Variants in MLLT3 observed in about 807,000 individuals in gnomAD.
MLLT3 encodes the protein protein AF-9.
Under a neutral mutation model 53.2 loss-of-function variants are expected in MLLT3, and 4 were observed. The observed-to-expected ratio is 0.08, with a 90% CI of 0.04 to 0.17. The LOEUF (loss-of-function observed/expected upper bound fraction) is 0.17. MLLT3 is among the 10% of genes least tolerant of loss of function. The pLI is 1.00. For synonymous variants in MLLT3, 283 were observed against 230.6 expected (o/e 1.23, Z -2.06); for missense variants, 569 against 684.0 (o/e 0.83, Z 1.87).
rs373673688 is a variant in MLLT3, at chr9:20,422,579, T to C, written c.421-8154A>G. On this transcript the variant is annotated intron_variant, in intron 4 of 10. Transcript: ENST00000380338. ...GTTAAGCAAGAACCAACACATAACA[T>C]GAAAGAGCAAAAGATGATGCTGACC... Among the ~76,000 whole-genome samples, 26 of 152,116 alleles carry C rather than the reference T, an allele frequency of 1.7e-4. 1 individual carries two copies. The East Asian group carries it at 4.3e-3, about 25-fold the overall frequency.
At chr9:20,575,639 A>G (rs572074207) in intron 2 of MLLT3, among the ~76,000 whole-genome samples, 4 of 152,292 alleles carry the variant, frequency 2.6e-5, no homozygotes, top group Non-Finnish European at 4.4e-5. Context: ...GATGAGGTGC[A>G]TTGTCAATGA....
chr9:20,451,729 G>A (rs1823844499), intron 3 of MLLT3, among the ~76,000 whole-genome samples: 1 of 152,002 alleles, frequency 6.6e-6, no homozygotes, highest in African/African-American at 2.4e-5. Context: ...TTTGTTTTTG[G>A]CAATATCAAG....
intron 2 of MLLT3, among the ~76,000 whole-genome samples, chr9:20,486,354 A>G (rs1400993769): frequency 6.6e-6 from 1 of 152,220 alleles, no homozygotes; most frequent in Non-Finnish European, 1.5e-5. Context: ...CAGGTTACCT[A>G]TAAAGTTATA....
intron 2 of MLLT3, among the ~76,000 whole-genome samples, chr9:20,498,445 G>A (rs1825136832): frequency 6.6e-6 from 1 of 151,910 alleles, no homozygotes; most frequent in African/African-American, 2.4e-5. Flanking sequence ...CTTTGATGAA[G>A]TGTCTATTCA....
chr9:20,387,786 A>G (rs1822078481), intron 5 of MLLT3, among the ~76,000 whole-genome samples: 1 of 152,232 alleles, frequency 6.6e-6, no homozygotes, highest in Admixed American at 6.5e-5. Flanking sequence ...GAAAAGTTAC[A>G]AACAGAATTC....
chr9:20,408,265 C>T (rs1822634698), intron 5 of MLLT3, among the ~76,000 whole-genome samples: 1 of 150,448 alleles, frequency 6.6e-6, no homozygotes, highest in African/African-American at 2.5e-5. Context: ...AAAAAGGCCT[C>T]CAACTGTTTT....
chr9:20,461,576 A>G (rs1287571045), intron 2 of MLLT3, among the ~76,000 whole-genome samples: 1 of 151,930 alleles, frequency 6.6e-6, no homozygotes, highest in Non-Finnish European at 1.5e-5. Context: ...TATATAATAA[A>G]TTACTTATAT....
intron 5 of MLLT3, among the ~76,000 whole-genome samples, chr9:20,381,195 AT>A (rs1234305839): frequency 6.6e-6 from 1 of 151,980 alleles, no homozygotes; most frequent in Non-Finnish European, 1.5e-5. Flanking sequence ...TAGAAGCAAC[AT>A]GTTTTAGTGC....
In MLLT3 at chr9:20,547,254, A is replaced by C. The variant is rs559265566; in HGVS notation, c.193+73400T>G. ...TTACCATGTTGCCCAGGCTGGTTTC[A>C]AACTCCTGGGCTCAAGTGATCTACC... is the stretch of plus-strand genomic sequence containing the variant. On this transcript the variant is annotated intron_variant, in intron 2 of 10. Transcript: ENST00000380338. Among the ~76,000 whole-genome samples, 9 of 151,994 alleles carry C rather than the reference A, an allele frequency of 5.9e-5. No individual in the cohort carries two copies. In the South Asian group the frequency reaches 1.5e-3, roughly 25 times the overall value.
intron 7 of MLLT3, among the ~76,000 whole-genome samples, chr9:20,362,341 G>A (rs1214818605): frequency 3.3e-5 from 5 of 152,124 alleles, no homozygotes; most frequent in Non-Finnish European, 7.3e-5. Context: ...TAGGTCATAC[G>A]TTTTTCATCA....
intron 5 of MLLT3, 117 bp from the exon 6 acceptor site, chr9:20,365,861 A>T: frequency 1.1e-6 from 1 of 924,332 alleles, no homozygotes; most frequent in Non-Finnish European, 1.7e-6. Context: ...GCATTTCATT[A>T]TGTCAAATTA....
chr9:20,435,476 T>C (rs1485668334), intron 4 of MLLT3, among the ~76,000 whole-genome samples: 1 of 152,210 alleles, frequency 6.6e-6, no homozygotes, highest in Non-Finnish European at 1.5e-5. Context: ...TCTTTCACTA[T>C]ATACCCAAAA....
At chr9:20,614,895 C>A (rs73647605) in intron 2 of MLLT3, among the ~76,000 whole-genome samples, 68,986 of 151,686 alleles carry the variant, frequency 0.45, 16,810 homozygotes, top group Middle Eastern at 0.56. Context: ...CTTCAAAGAA[C>A]CAAGAGAAGG....
chr9:20,478,288 T>C (rs890633170), intron 2 of MLLT3, among the ~76,000 whole-genome samples: 3 of 152,100 alleles, frequency 2.0e-5, no homozygotes, highest in Admixed American at 6.6e-5. Context: ...TTATAAACAT[T>C]TCTGGCTTTC....
intron 5 of MLLT3, among the ~76,000 whole-genome samples, chr9:20,412,843 T>G (rs1417378433): frequency 6.6e-6 from 1 of 152,214 alleles, no homozygotes; most frequent in East Asian, 1.9e-4. Context: ...TATCAAATAC[T>G]TTTGAATTAG....
chr9:20,360,017 G>A (rs1285740486), intron 8 of MLLT3, among the ~76,000 whole-genome samples: 1 of 152,090 alleles, frequency 6.6e-6, no homozygotes, highest in Non-Finnish European at 1.5e-5. Flanking sequence ...TCAAAGTTCT[G>A]CCTAGATCTT....
chr9:20,428,945 A>G (rs1253197239), intron 4 of MLLT3, among the ~76,000 whole-genome samples: 2 of 152,194 alleles, frequency 1.3e-5, no homozygotes, highest in African/African-American at 4.8e-5. Flanking sequence ...AATTAGGAAG[A>G]ATCCTGTATT....
intron 5 of MLLT3, among the ~76,000 whole-genome samples, chr9:20,383,563 G>C (rs1187151309): frequency 6.6e-6 from 1 of 151,796 alleles, no homozygotes; most frequent in Non-Finnish European, 1.5e-5. Flanking sequence ...GCTAATGTTA[G>C]AATGTTGACA....
chr9:20,461,384 T>C (rs931175162), intron 2 of MLLT3, among the ~76,000 whole-genome samples: 6 of 152,112 alleles, frequency 3.9e-5, no homozygotes, highest in South Asian at 4.1e-4. Flanking sequence ...GAAAAGAAAA[T>C]GATCTGGCAA....
Sources: allele counts gnomAD v4.1 joint callset (sites outside exome capture counted in the v4.1 genomes callset), GRCh38; gene constraint gnomAD v4.1.1; transcripts MANE v1.5; gene names NCBI Gene and HGNC (gene_info 2026-07-23, HGNC 2026-07-21).